SGSM1: variants seen among roughly 807,000 people sequenced by gnomAD.
The protein encoded by SGSM1 is small G protein signaling modulator 1.
Under a neutral mutation model 133.8 loss-of-function variants are expected in SGSM1, and 73 were observed. That is an observed-to-expected ratio of 0.55 (90% CI 0.45 to 0.66). The LOEUF (loss-of-function observed/expected upper bound fraction) is 0.66, where lower values mean the gene tolerates loss of function less well. SGSM1 is among the 30% of genes least tolerant of loss of function. SGSM1 has a pLI of 0.00. For synonymous variants in SGSM1, 563 were observed against 573.0 expected (o/e 0.98, Z 0.25); for missense variants, 1,213 against 1,448.1 (o/e 0.84, Z 2.64).
chr22:24,859,704 C>T lies in SGSM1; in HGVS notation c.802-12C>T. On this transcript the variant is annotated splice_polypyrimidine_tract_variant and intron_variant, in intron 8 of 24. Coordinates refer to ENST00000400358, the MANE Select transcript of SGSM1 (RefSeq NM_001098497.3). The stretch of plus-strand genomic sequence containing the variant: ...GCACCATGGCCAGACCTGAGTCCTC[C>T]TCTCTCTGCAGAGGGACGACATGGA... 1 of 1,613,588 alleles carries T rather than the reference C, an allele frequency of 6.2e-7. No homozygotes were observed. Among genetic ancestry groups the T allele is most frequent in the Non-Finnish European group, 8.5e-7 (1 of 1,179,800 alleles).
At chr22:24,837,156 A>G (rs377231729) in intron 2 of SGSM1, among the ~76,000 whole-genome samples, 1,581 of 152,278 alleles carry the variant, frequency 0.01, 30 homozygotes, top group East Asian at 0.064. Flanking sequence ...TAGTGGCCCC[A>G]AATGTCTGGC....
chr22:24,874,628 C>T, intron 12 of SGSM1: 1 of 1,518,856 alleles, frequency 6.6e-7, no homozygotes, highest in Non-Finnish European at 8.8e-7. Context: ...CCAGCCACCT[C>T]TGCCATGTTG....
Position 24,806,235 on chromosome 22 carries a change from C to A in SGSM1, c.-91C>A. 7.7e-7 allele frequency: 1 copy of A among 1,298,306 alleles called. No homozygotes were observed. The highest frequency in any genetic ancestry group is 9.7e-7 in the Non-Finnish European group (1 of 1,029,280). 80.4% of individuals were successfully genotyped at this position (1,298,306 alleles called of 1,614,324 possible). ...CACTCAGCGCTCGGCCCCGCCCCGC[C>A]GCGGCTGCAGCAGCAGCGCCGCGGC... On this transcript the variant is annotated 5_prime_UTR_variant, in exon 1 of 25. Transcript: ENST00000400358.
rs890088042 is a variant in SGSM1, at chr22:24,817,647, G to A, written c.63+11163G>A. 3.3e-5 allele frequency among the ~76,000 whole-genome samples: 5 copies of A among 152,056 alleles called. No individual in the cohort carries two copies. In the South Asian group the frequency reaches 6.3e-4, roughly 19 times the overall value. ...ATTACAGGCGTGAGCCACCGCTCCC[G>A]GCCATGAGTATCCTCAGCTTTCGTC... On this transcript the variant is annotated intron_variant, in intron 2 of 24. Coordinates refer to ENST00000400358, the MANE Select transcript of SGSM1 (RefSeq NM_001098497.3).
rs1393516945 is a variant in SGSM1 at position 24,860,916 on chromosome 22, AAAAAAAATATAT to A, written c.926+1078_926+1089del. On this transcript the variant is annotated intron_variant, in intron 9 of 24. Transcript: ENST00000400358. ...CTGTCTTAAAAAAAAAAAAAAAAAA[AAAAAAAATATAT>A]ATATATATATATATATATATAATTT... 7.3e-3 allele frequency among the ~76,000 whole-genome samples: 658 copies of A among 90,150 alleles called. 6 individuals are homozygous for A. The highest frequency in any genetic ancestry group is 7.7e-3 in the Non-Finnish European group (396 of 51,536). The allele number at this position is 90,150 out of a possible 152,430, so 59.1% of individuals were successfully genotyped here. A position where few individuals can be genotyped will look rare whatever the true frequency, so the allele number is the denominator to read the frequency against.
At position 24,860,792 on chromosome 22, in the gene SGSM1, C is replaced by T. The variant is rs1165822679; in HGVS notation, c.926+952C>T. On this transcript the variant is annotated intron_variant, in intron 9 of 24. Coordinates refer to ENST00000400358, the MANE Select transcript of SGSM1 (RefSeq NM_001098497.3). ...GCACACACCTGTAGTCCCAGCTACT[C>T]GGGAGGGTGAGGCAGGAGAATTGCT... 2.0e-5 allele frequency among the ~76,000 whole-genome samples: 3 copies of T among 148,964 alleles called. No individual in the cohort carries two copies. The Admixed American group carries it at 2.0e-4, about 10-fold the overall frequency.
intron 2 of SGSM1, among the ~76,000 whole-genome samples, chr22:24,809,311 C>T (rs1262860886): frequency 6.6e-6 from 1 of 152,216 alleles, no homozygotes; most frequent in Non-Finnish European, 1.5e-5. Context: ...TTCAAAGGAG[C>T]CACATCTCTG....
chr22:24,907,017 T>C (rs997817086), intron 21 of SGSM1, among the ~76,000 whole-genome samples: 31 of 150,174 alleles, frequency 2.1e-4, no homozygotes, highest in South Asian at 2.1e-4. Context: ...TCCCATCACT[T>C]TGGGAGCCTC....
At chr22:24,898,606 G>T in intron 19 of SGSM1, 47 bp downstream of exon 19, 1 of 1,530,944 alleles carries the variant, frequency 6.5e-7, no homozygotes. Context: ...TCCAGCTGCA[G>T]GAGGGTGGGA....
At chr22:24,906,747 A>G (rs189814451) in intron 21 of SGSM1, among the ~76,000 whole-genome samples, 49 of 152,294 alleles carry the variant, frequency 3.2e-4, no homozygotes, top group Admixed American at 1.4e-3. Flanking sequence ...AGCCTGACCA[A>G]CAAGGTGAAA....
intron 5 of SGSM1, among the ~76,000 whole-genome samples, chr22:24,852,876 C>A (rs1930564272): frequency 2.0e-5 from 3 of 152,120 alleles, no homozygotes; most frequent in Admixed American, 1.3e-4. Flanking sequence ...GTATTATCTT[C>A]AGATTTGACA....
At chr22:24,860,906 A>ATAT (rs1569152137) in intron 9 of SGSM1, among the ~76,000 whole-genome samples, 1 of 86,452 alleles carries the variant, frequency 1.2e-5, no homozygotes, top group African/African-American at 6.6e-5. Context: ...TTAAAAAAAA[A>ATAT]AAAAAAAAAA....
At chr22:24,896,413 G>A (rs1163476188) in intron 18 of SGSM1, among the ~76,000 whole-genome samples, 3 of 152,042 alleles carry the variant, frequency 2.0e-5, no homozygotes, top group Non-Finnish European at 4.4e-5. Flanking sequence ...TAACCACACA[G>A]GGAAGAAATA....
chr22:24,806,968 T>C (rs1252321788), intron 2 of SGSM1, among the ~76,000 whole-genome samples: 2 of 152,080 alleles, frequency 1.3e-5, no homozygotes, highest in Non-Finnish European at 2.9e-5. Flanking sequence ...TTCTCAGTCC[T>C]TGGAGCCACC....
At position 24,893,484 on chromosome 22, in the gene SGSM1, C is replaced by T. The variant is rs775228179; in HGVS notation, c.1824C>T (p.Gly608=). The T allele has an allele frequency of 6.2e-7, 1 of 1,613,586 alleles. No individual in the cohort carries two copies. The highest frequency in any genetic ancestry group is 8.5e-7 in the Non-Finnish European group (1 of 1,179,798). The part of the protein sequence containing the change: ...CYAQTMAEWL[G]CEAIVRQRER... ...CACAGACCATGGCTGAGTGGCTGGG[C>T]TGCGAGGCGATCGTGCGGCAGAGGG... is the stretch of plus-strand genomic sequence containing the variant. Residue 608 remains glycine (G), a synonymous_variant, in exon 17 of 25, where the codon GGC becomes GGT. Transcript: ENST00000400358.
intron 2 of SGSM1, among the ~76,000 whole-genome samples, chr22:24,835,857 G>T (rs1351251952): frequency 6.6e-6 from 1 of 152,164 alleles, no homozygotes; most frequent in African/African-American, 2.4e-5. Flanking sequence ...CCATGGAAGA[G>T]TTCTGGGCAG....
intron 4 of SGSM1, among the ~76,000 whole-genome samples, chr22:24,848,012 C>T (rs1344517781): frequency 6.6e-6 from 1 of 152,002 alleles, no homozygotes; most frequent in East Asian, 1.9e-4. Flanking sequence ...TTCTTGTCAT[C>T]ATTCAGACCT....
chr22:24,905,525 C>T (rs1403332329), intron 21 of SGSM1, among the ~76,000 whole-genome samples: 11 of 152,112 alleles, frequency 7.2e-5, no homozygotes, highest in Non-Finnish European at 1.5e-4. Context: ...CAGTGGCTCA[C>T]GCCTGTAATC....
At chr22:24,859,094 C>A (rs1259216027) in intron 8 of SGSM1, among the ~76,000 whole-genome samples, 1 of 152,186 alleles carries the variant, frequency 6.6e-6, no homozygotes, top group Non-Finnish European at 1.5e-5. Flanking sequence ...GAAGGCTGAG[C>A]CGTGATTGGG....
Sources: gnomAD v4.1 joint callset for allele counts (sites outside exome capture counted in the v4.1 genomes callset) on GRCh38, gnomAD v4.1.1 for gene constraint, MANE v1.5 for transcripts, NCBI Gene and HGNC (gene_info 2026-07-23, HGNC 2026-07-21) for gene names.